Variants in CAAP1 observed in about 807,000 individuals in gnomAD.
CAAP1 encodes conserved anti-apoptotic protein.
CAAP1 carries 20 observed loss-of-function variants against 34.0 expected under a neutral mutation model. That is an observed-to-expected ratio of 0.59 (90% CI 0.41 to 0.86). CAAP1 has a LOEUF of 0.86. Ranked by LOEUF, CAAP1 falls within the 40% of genes least tolerant of loss-of-function variation. CAAP1 has a pLI of 0.00. For missense variants in CAAP1, 538 were observed against 450.5 expected (o/e 1.19, Z -1.76); for synonymous variants, 213 against 166.7 (o/e 1.28, Z -2.14).
rs60742949 is a variant in CAAP1, at chr9:26,876,472, GT to G, written c.665+8337del. Among the ~76,000 whole-genome samples the G allele has an allele frequency of 6.3e-3, 790 of 125,700 alleles. 3 individuals carry two copies. The highest frequency in any genetic ancestry group is 0.016 in the African/African-American group (565 of 35,434). The allele number at this position is 125,700 out of a possible 152,430, so 82.5% of individuals were successfully genotyped here. On this transcript the variant is annotated intron_variant, in intron 4 of 5. Coordinates refer to ENST00000333916, the MANE Select transcript of CAAP1 (RefSeq NM_024828.4). ...TTCTATCATATATGCATTCTAGAAG[GT>G]TTTTTTTTTTTTTTTTTTGAGATTC... is the stretch of plus-strand genomic sequence containing the variant.
intron 4 of CAAP1, among the ~76,000 whole-genome samples, chr9:26,864,284 C>T (rs528527502): frequency 3.9e-5 from 6 of 152,128 alleles, no homozygotes; most frequent in African/African-American, 1.2e-4. Context: ...CAGAGTAATA[C>T]ACTGGGGAGA....
chr9:26,866,863 A>G (rs1823150497), intron 4 of CAAP1, among the ~76,000 whole-genome samples: 1 of 152,170 alleles, frequency 6.6e-6, no homozygotes. Context: ...AAATCAATAT[A>G]CTGGCAGGGC....
chr9:26,891,531 A>G (rs557711225), intron 1 of CAAP1, among the ~76,000 whole-genome samples: 136 of 152,248 alleles, frequency 8.9e-4, no homozygotes, highest in African/African-American at 3.2e-3. Context: ...TAACTCTTGT[A>G]GGAGATATAT....
intron 1 of CAAP1, among the ~76,000 whole-genome samples, chr9:26,891,791 C>G (rs1024486661): frequency 2.0e-5 from 3 of 152,158 alleles, no homozygotes; most frequent in African/African-American, 4.8e-5. Flanking sequence ...AATGGAGGGG[C>G]AAGAAAAGGG....
At chr9:26,874,368 G>A (rs1019776694) in intron 4 of CAAP1, among the ~76,000 whole-genome samples, 1 of 151,818 alleles carries the variant, frequency 6.6e-6, no homozygotes, top group Non-Finnish European at 1.5e-5. Flanking sequence ...ATTTCTTTGT[G>A]CTAGGAACAT....
At position 26,884,268 on chromosome 9, in the gene CAAP1, T is replaced by G. The variant is rs376224237; in HGVS notation, c.665+542A>C. 5.7e-4 allele frequency among the ~76,000 whole-genome samples: 87 copies of G among 152,328 alleles called. 2 individuals are homozygous for G. The South Asian group carries it at 0.018, about 32-fold the overall frequency. ...ATGAAGAAAAAACTAATAATTAGCA[T>G]GTAGCTTCTTGATTAGTCAGCATCC... is the stretch of plus-strand genomic sequence containing the variant. On this transcript the variant is annotated intron_variant, in intron 4 of 5. Coordinates refer to ENST00000333916, the MANE Select transcript of CAAP1 (RefSeq NM_024828.4).
At chr9:26,856,130 G>GT (rs902830586) in intron 5 of CAAP1, among the ~76,000 whole-genome samples, 26 of 148,434 alleles carry the variant, frequency 1.8e-4, no homozygotes, top group East Asian at 1.2e-3. Flanking sequence ...TTTTTAAAAG[G>GT]GGGGGGGTAG....
rs145299717 is a variant in CAAP1 at position 26,872,553 on chromosome 9, A to AATATATATATATATATATATATAT, written c.666-11415_666-11414insATATATATATATATATATATATAT. On this transcript the variant is annotated intron_variant, in intron 4 of 5. Coordinates refer to ENST00000333916, the MANE Select transcript of CAAP1 (RefSeq NM_024828.4). ...TAAATAGACAGATAGATATACATAT[A>AATATATATATATATATATATATAT]ATATATATATATATATATATTTAGA... Among the ~76,000 whole-genome samples the AATATATATATATATATATATATAT allele has an allele frequency of 1.1e-3, 154 of 142,474 alleles. 1 individual carries two copies. The highest frequency in any genetic ancestry group is 3.9e-3 in the African/African-American group (145 of 36,870). 93.5% of individuals were successfully genotyped at this position (142,474 alleles called of 152,430 possible). A position where few individuals can be genotyped will look rare whatever the true frequency, so the allele number is the denominator to read the frequency against.
intron 5 of CAAP1, among the ~76,000 whole-genome samples, chr9:26,856,129 G>GA (rs901411324): frequency 1.2e-5 from 1 of 83,730 alleles, no homozygotes; most frequent in Non-Finnish European, 2.3e-5. Flanking sequence ...TTTTTTAAAA[G>GA]GGGGGGGGTA....
chr9:26,856,219 G>A (rs911977239), intron 5 of CAAP1, among the ~76,000 whole-genome samples: 21 of 151,930 alleles, frequency 1.4e-4, no homozygotes, highest in African/African-American at 9.7e-5. Flanking sequence ...TCTCACATGC[G>A]ACAGTTAATG....
At chr9:26,855,390 T>C (rs1169254392) in intron 5 of CAAP1, among the ~76,000 whole-genome samples, 2 of 152,210 alleles carry the variant, frequency 1.3e-5, no homozygotes, top group South Asian at 2.1e-4. Flanking sequence ...AAATATTCTA[T>C]ATATTGTAAT....
intron 5 of CAAP1, 112 bp downstream of exon 5, chr9:26,860,954 C>T (rs980800984): frequency 4.0e-6 from 3 of 749,572 alleles, no homozygotes; most frequent in African/African-American, 1.8e-5. Context: ...ATAAATTGCT[C>T]TCTTCCTCTA....
intron 4 of CAAP1, 76 bp from the exon 5 acceptor site, chr9:26,861,215 T>G (rs1822996663): frequency 9.5e-7 from 1 of 1,050,934 alleles, no homozygotes; most frequent in Non-Finnish European, 1.5e-6. Context: ...TTCCCAGAAT[T>G]AAGTTAGGCA....
At chr9:26,854,250 C>T (rs1326402630) in intron 5 of CAAP1, among the ~76,000 whole-genome samples, 1 of 152,174 alleles carries the variant, frequency 6.6e-6, no homozygotes, top group Non-Finnish European at 1.5e-5. Flanking sequence ...CTTACACCTA[C>T]ATAATGAAAT....
At position 26,842,551 on chromosome 9, in the gene CAAP1, G is replaced by A; in HGVS notation, c.836C>T (p.Ala279Val). 6.2e-7 allele frequency: 1 copy of A among 1,614,132 alleles called. No individual in the cohort carries two copies. The highest frequency in any genetic ancestry group is 8.5e-7 in the Non-Finnish European group (1 of 1,180,012). The change falls in exon 6 of 6, where the codon GCA (alanine) becomes GTA (valine). Residue 279 changes from alanine (A) to valine (V), a missense_variant. This residue lies in a region of CAAP1 where 514 missense variants were observed against 408.4 expected (regional missense o/e 1.26). Transcript: ENST00000333916. ...TTCACTTTGGACTGTATTTTCTGGTGCCTCGGGAGCAGCTGCTTCTTCGTT... is the reference window on the plus strand; with the variant it reads ...TTCACTTTGGACTGTATTTTCTGGTACCTCGGGAGCAGCTGCTTCTTCGTT... ...PCNEEAAAPE[A>V]PENTVQSEAG... is the part of the protein sequence containing the mutation.
At chr9:26,853,533 A>G (rs1198179268) in intron 5 of CAAP1, among the ~76,000 whole-genome samples, 1 of 152,188 alleles carries the variant, frequency 6.6e-6, no homozygotes. Flanking sequence ...GTCCTGGGGC[A>G]CTCATCCTTT....
Position 26,885,074 on chromosome 9 carries a change from CTT to C in CAAP1, c.590-191_590-190del, listed in dbSNP as rs397893644. The stretch of plus-strand genomic sequence containing the variant: ...ATGCCTTATTAGGTATTTCTCATTG[CTT>C]TTTTTTTTTTTTTTTTTTTAGACGG... On this transcript the variant is annotated intron_variant, in intron 3 of 5. Coordinates refer to ENST00000333916, the MANE Select transcript of CAAP1 (RefSeq NM_024828.4). Among the ~76,000 whole-genome samples, 661 of 116,868 alleles carry C rather than the reference CTT, an allele frequency of 5.7e-3. 5 individuals carry two copies. Among genetic ancestry groups the C allele is most frequent in the African/African-American group, 0.02 (612 of 31,086 alleles). The allele number at this position is 116,868 out of a possible 152,430, so 76.7% of individuals were successfully genotyped here.
At chr9:26,870,801 G>A (rs1030789379) in intron 4 of CAAP1, among the ~76,000 whole-genome samples, 1 of 151,904 alleles carries the variant, frequency 6.6e-6, no homozygotes, top group African/African-American at 2.4e-5. Context: ...ATTTTTAGAA[G>A]AGATGGGGTT....
chr9:26,865,198 T>C (rs1823105039), intron 4 of CAAP1, among the ~76,000 whole-genome samples: 1 of 152,198 alleles, frequency 6.6e-6, no homozygotes, highest in Admixed American at 6.5e-5. Context: ...CACATACCAA[T>C]GAATTTTTTA....
Sources: allele counts gnomAD v4.1 joint callset (sites outside exome capture counted in the v4.1 genomes callset), GRCh38; gene constraint gnomAD v4.1.1; regional missense constraint gnomAD v4.1.1; transcripts MANE v1.5; gene names NCBI Gene and HGNC (gene_info 2026-07-23, HGNC 2026-07-21).